AGMO: variants seen among roughly 807,000 people sequenced by gnomAD.
AGMO encodes glyceryl-ether monooxygenase.
In AGMO, 75 loss-of-function variants were observed where a neutral mutation model predicts 60.2. The ratio of observed to expected loss-of-function variants is 1.25; its 90% CI spans 1.03 to 1.51. AGMO has a LOEUF of 1.51. Ranked by LOEUF, AGMO falls within the 40% of genes most tolerant of loss-of-function variation. The pLI is 0.00. For synonymous variants in AGMO, 261 were observed against 177.1 expected (o/e 1.47, Z -3.76); for missense variants, 763 against 525.5 (o/e 1.45, Z -4.42).
chr7:15,189,125 C>T, the AGMO span, among the ~76,000 whole-genome samples: 1 of 152,064 alleles, frequency 6.6e-6, no homozygotes, highest in African/African-American at 2.4e-5. Context: ...TATTAAATTC[C>T]TCAGAATTAT....
intron 3 of AGMO, among the ~76,000 whole-genome samples, chr7:15,431,679 G>A (rs192637602): frequency 0.017 from 2,572 of 151,900 alleles, 34 homozygotes; most frequent in African/African-American, 0.042. Flanking sequence ...TTTATAAAAA[G>A]ATATTAGCTA....
At chr7:15,366,028 ATATT>A (rs1392193367) in intron 11 of AGMO, 108 bp downstream of exon 11, 2 of 740,982 alleles carry the variant, frequency 2.7e-6, no homozygotes, top group Non-Finnish European at 4.2e-6. Context: ...CCAAAATTTT[ATATT>A]TATTTTTAAA....
At chr7:15,442,923 A>G (rs1289134193) in intron 3 of AGMO, among the ~76,000 whole-genome samples, 1 of 152,170 alleles carries the variant, frequency 6.6e-6, no homozygotes, top group African/African-American at 2.4e-5. Context: ...AACAGATGCT[A>G]GCAGGCAGCA....
chr7:15,181,767 C>T, the AGMO span, among the ~76,000 whole-genome samples: 1 of 152,078 alleles, frequency 6.6e-6, no homozygotes, highest in Non-Finnish European at 1.5e-5. Context: ...TTAGTATGTA[C>T]AGCTCCTGAG....
chr7:15,414,335 G>A (rs1254508800), intron 5 of AGMO, among the ~76,000 whole-genome samples: 2 of 152,178 alleles, frequency 1.3e-5, no homozygotes, highest in Non-Finnish European at 2.9e-5. Context: ...ATTAGCACAT[G>A]TGAGAATGCT....
chr7:15,289,896 G>A (rs1479739370), intron 12 of AGMO, among the ~76,000 whole-genome samples: 1 of 145,786 alleles, frequency 6.9e-6, no homozygotes, highest in Non-Finnish European at 1.5e-5. Context: ...TCACTTTTGA[G>A]TGGCTGTTGT....
chr7:15,132,810 TC>T, the AGMO span, among the ~76,000 whole-genome samples: 4 of 152,312 alleles, frequency 2.6e-5, no homozygotes, highest in African/African-American at 9.6e-5. Context: ...GGAAGGTTTT[TC>T]CCTTATTTGT....
the AGMO span, among the ~76,000 whole-genome samples, chr7:15,135,683 G>A: frequency 1.3e-5 from 2 of 152,042 alleles, no homozygotes; most frequent in East Asian, 3.9e-4. Context: ...ACTCTTAAAT[G>A]TTTCTGTTTT....
chr7:15,447,995 A>T (rs1285239548), intron 3 of AGMO, among the ~76,000 whole-genome samples: 1 of 152,236 alleles, frequency 6.6e-6, no homozygotes, highest in Non-Finnish European at 1.5e-5. Context: ...ATAAACAAAA[A>T]TTCTTTTGAT....
chr7:15,390,547 AAC>A (rs1408789834), intron 8 of AGMO, 122 bp downstream of exon 8: 32 of 589,138 alleles, frequency 5.4e-5, no homozygotes, highest in East Asian at 3.1e-4. Context: ...TAAATTTTTT[AAC>A]AGTTAAAAAT....
chr7:15,523,446 T>C (rs1784051891), intron 3 of AGMO, among the ~76,000 whole-genome samples: 1 of 152,194 alleles, frequency 6.6e-6, no homozygotes, highest in Non-Finnish European at 1.5e-5. Flanking sequence ...TGCCCATCCA[T>C]GATAGACTGG....
intron 3 of AGMO, among the ~76,000 whole-genome samples, chr7:15,530,620 T>C (rs544068397): frequency 5.2e-5 from 7 of 135,280 alleles, no homozygotes; most frequent in Admixed American, 1.6e-4. Flanking sequence ...TTTCTATATA[T>C]ATATTCTATA....
At chr7:15,548,470 A>C (rs1784851823) in intron 2 of AGMO, among the ~76,000 whole-genome samples, 1 of 151,966 alleles carries the variant, frequency 6.6e-6, no homozygotes, top group Non-Finnish European at 1.5e-5. Context: ...GAAGTGCTTA[A>C]AGGAGCTGAT....
chr7:15,532,213 G>A (rs1428769744), intron 3 of AGMO, among the ~76,000 whole-genome samples: 1 of 152,174 alleles, frequency 6.6e-6, no homozygotes, highest in Non-Finnish European at 1.5e-5. Flanking sequence ...AATAGTTGGT[G>A]ATTTATATAT....
chr7:15,259,624 A>G (rs529576702), intron 12 of AGMO, among the ~76,000 whole-genome samples: 12 of 152,190 alleles, frequency 7.9e-5, no homozygotes, highest in African/African-American at 2.4e-4. Flanking sequence ...TCTAAAGGCA[A>G]GACAAAGGAA....
chr7:15,492,607 T>TTTA (rs35755542), intron 3 of AGMO, among the ~76,000 whole-genome samples: 83,676 of 149,612 alleles, frequency 0.56, 25,455 homozygotes, highest in East Asian at 0.96. Flanking sequence ...TGAGGAGGTT[T>TTTA]TTATTATTAT....
At chr7:15,145,131 G>A in the AGMO span, among the ~76,000 whole-genome samples, 30 of 152,136 alleles carry the variant, frequency 2.0e-4, no homozygotes, top group Non-Finnish European at 3.4e-4. Context: ...CCCGGCCGGC[G>A]TTAAGTTTAT....
At chr7:15,130,555 G>A in the AGMO span, among the ~76,000 whole-genome samples, 6 of 152,176 alleles carry the variant, frequency 3.9e-5, no homozygotes, top group East Asian at 1.9e-4. Flanking sequence ...GCTATAAAAT[G>A]TGGCAAAGAA....
At chr7:15,201,393 T>C (rs375203919) in intron 12 of AGMO, 34 bp from the exon 13 acceptor site, 4 of 1,481,900 alleles carry the variant, frequency 2.7e-6, no homozygotes, top group Non-Finnish European at 3.8e-6. Flanking sequence ...AAAAAAAAAT[T>C]AGAAGTGAAT....
Sources: gnomAD v4.1 joint callset for allele counts (sites outside exome capture counted in the v4.1 genomes callset) on GRCh38, gnomAD v4.1.1 for gene constraint, MANE v1.5 for transcripts, NCBI Gene and HGNC (gene_info 2026-07-23, HGNC 2026-07-21) for gene names.